Variants in LOXL2 observed in about 807,000 individuals in gnomAD.
LOXL2 encodes lysyl oxidase homolog 2.
Under a neutral mutation model 93.0 loss-of-function variants are expected in LOXL2, and 70 were observed. The observed-to-expected ratio is 0.75, with a 90% CI of 0.62 to 0.92. The LOEUF is 0.92. Ranked by LOEUF, LOXL2 falls within the 40% of genes least tolerant of loss-of-function variation. LOXL2 has a pLI of 0.00. For missense variants in LOXL2, 973 were observed against 1,054.9 expected (o/e 0.92, Z 1.08); for synonymous variants, 438 against 413.2 (o/e 1.06, Z -0.73).
intron 5 of LOXL2, among the ~76,000 whole-genome samples, chr8:23,332,699 C>T (rs1325190270): frequency 3.2e-5 from 2 of 62,670 alleles, no homozygotes; most frequent in African/African-American, 1.5e-4. Flanking sequence ...ACCCCCCACA[C>T]ACTCATACAC....
chr8:23,360,245 G>T lies in LOXL2; in HGVS notation c.376C>A (p.Leu126Ile). The change falls in exon 3 of 14, where the codon CTC becomes ATC. Residue 126 changes from leucine to isoleucine, a missense_variant. Physicochemically the swap from Leu to Ile is conservative, Grantham distance 5. Coordinates refer to ENST00000389131, the MANE Select transcript of LOXL2 (RefSeq NM_002318.3). ...KGEGPIWLDN[L>I]HCTGNEATLA... ...GTCGCCTCGTTGCCAGTACAGTGGAGATTGTCTAACCAGATGGGCCCTGAA... is the reference window on the plus strand; with the variant it reads ...GTCGCCTCGTTGCCAGTACAGTGGATATTGTCTAACCAGATGGGCCCTGAA... 6.2e-7 allele frequency: 1 copy of T among 1,610,898 alleles called. No individual in the cohort carries two copies. Among genetic ancestry groups the T allele is most frequent in the Non-Finnish European group, 8.5e-7 (1 of 1,177,570 alleles).
At chr8:23,321,363 T>C (rs1259464582) in intron 7 of LOXL2, among the ~76,000 whole-genome samples, 6 of 152,200 alleles carry the variant, frequency 3.9e-5, no homozygotes, top group Non-Finnish European at 8.8e-5. Flanking sequence ...CTTCATGCAC[T>C]GGGGGGCTTT....
chr8:23,341,444 G>T (rs1168775676), intron 3 of LOXL2: 4 of 555,580 alleles, frequency 7.2e-6, no homozygotes, highest in Non-Finnish European at 1.3e-5. Context: ...GGGGTGACCT[G>T]GAACAGTCAG....
chr8:23,298,254 C>T, intron 13 of LOXL2, 132 bp from the exon 14 acceptor site: 1 of 655,000 alleles, frequency 1.5e-6, no homozygotes, highest in Admixed American at 2.5e-5. Flanking sequence ...AGGACAGGTG[C>T]CAGGCACTGG....
At chr8:23,326,366 T>C (rs1388763936) in intron 6 of LOXL2, among the ~76,000 whole-genome samples, 1 of 152,166 alleles carries the variant, frequency 6.6e-6, no homozygotes, top group East Asian at 1.9e-4. Flanking sequence ...CGAGGGCCTG[T>C]TTATTCCTCA....
intron 3 of LOXL2, among the ~76,000 whole-genome samples, chr8:23,350,001 C>T (rs906846170): frequency 6.6e-6 from 1 of 152,062 alleles, no homozygotes; most frequent in Non-Finnish European, 1.5e-5. Flanking sequence ...AACATAAGCA[C>T]GACTTGTGTG....
At chr8:23,302,806 G>A (rs1215828559) in intron 11 of LOXL2, among the ~76,000 whole-genome samples, 1 of 152,172 alleles carries the variant, frequency 6.6e-6, no homozygotes, top group East Asian at 1.9e-4. Context: ...GGCAGGTGTG[G>A]TGACCTACCA....
intron 1 of LOXL2, among the ~76,000 whole-genome samples, chr8:23,373,420 C>T (rs926996473): frequency 7.2e-5 from 11 of 152,156 alleles, no homozygotes; most frequent in African/African-American, 1.2e-4. Context: ...ACCGCAGCCT[C>T]GAACTCTTGA....
chr8:23,375,125 A>C (rs1036987143), intron 1 of LOXL2, among the ~76,000 whole-genome samples: 3 of 152,052 alleles, frequency 2.0e-5, no homozygotes, highest in Non-Finnish European at 4.4e-5. Context: ...TTTTTGTATA[A>C]GGTGTAACGA....
chr8:23,355,123 T>A (rs1009930648), intron 3 of LOXL2, among the ~76,000 whole-genome samples: 7 of 151,660 alleles, frequency 4.6e-5, no homozygotes, highest in African/African-American at 1.7e-4. Context: ...ATTTGTATTT[T>A]TAGTAGAGAC....
At chr8:23,305,594 G>A (rs375321155) in intron 10 of LOXL2, among the ~76,000 whole-genome samples, 1 of 151,486 alleles carries the variant, frequency 6.6e-6, no homozygotes, top group Non-Finnish European at 1.5e-5. Flanking sequence ...GAGTCCTGGC[G>A]AGGAAGGTAT....
intron 9 of LOXL2, among the ~76,000 whole-genome samples, chr8:23,310,175 G>T (rs1032290160): frequency 6.6e-6 from 1 of 152,228 alleles, no homozygotes; most frequent in Non-Finnish European, 1.5e-5. Context: ...TAGGCTACGA[G>T]CGAAGCACAG....
intron 12 of LOXL2, among the ~76,000 whole-genome samples, chr8:23,299,542 C>T (rs1803092861): frequency 6.6e-6 from 1 of 152,174 alleles, no homozygotes; most frequent in Non-Finnish European, 1.5e-5. Context: ...GTATCCGCAT[C>T]CCCCCAGCTA....
At chr8:23,367,870 G>A (rs928944082) in intron 2 of LOXL2, 127 bp downstream of exon 2, 2 of 760,982 alleles carry the variant, frequency 2.6e-6, no homozygotes, top group African/African-American at 3.5e-5. Flanking sequence ...GCCAGTCCCT[G>A]GATGGGCATC....
At chr8:23,353,438 TTC>T (rs1428287657) in intron 3 of LOXL2, among the ~76,000 whole-genome samples, 1 of 152,324 alleles carries the variant, frequency 6.6e-6, no homozygotes, top group East Asian at 1.9e-4. Context: ...CCAGACAAAC[TTC>T]TGTTTTATAG....
chr8:23,300,181 G>A (rs540478170), intron 12 of LOXL2, among the ~76,000 whole-genome samples: 164 of 152,350 alleles, frequency 1.1e-3, no homozygotes, highest in African/African-American at 3.7e-3. Context: ...GCTGGATGCA[G>A]CAAGGGCTCG....
intron 4 of LOXL2, 88 bp downstream of exon 4, chr8:23,340,904 G>A (rs1449614886): frequency 1.1e-5 from 14 of 1,262,744 alleles, no homozygotes; most frequent in Non-Finnish European, 1.6e-5. Context: ...GCCTGGCCAA[G>A]GAAAGGCCAC....
rs370028722 is a variant in LOXL2 at position 23,297,433 on chromosome 8, TATAATA to T, written c.*604_*609del. 6.6e-6 allele frequency: 1 copy of T among 152,106 alleles called. No individual in the cohort carries two copies. Among genetic ancestry groups the T allele is most frequent in the African/African-American group, 2.4e-5 (1 of 41,382 alleles). 9.4% of individuals were successfully genotyped at this position (152,106 alleles called of 1,614,324 possible). A position where few individuals can be genotyped will look rare whatever the true frequency, so the allele number is the denominator to read the frequency against. On this transcript the variant is annotated 3_prime_UTR_variant, in exon 14 of 14. Coordinates refer to ENST00000389131, the MANE Select transcript of LOXL2 (RefSeq NM_002318.3). ...TTTGTGCTTCAAAAGTCTGTGAAAA[TATAATA>T]ATAGTATCTTGAAAAACAAGGGGTG...
At chr8:23,334,756 A>C (rs1803762330) in intron 4 of LOXL2, among the ~76,000 whole-genome samples, 1 of 117,640 alleles carries the variant, frequency 8.5e-6, no homozygotes, top group Admixed American at 8.7e-5. Flanking sequence ...TCAGTTTCTC[A>C]TGTCCAAAAT....
Sources: allele counts gnomAD v4.1 joint callset (sites outside exome capture counted in the v4.1 genomes callset), GRCh38; gene constraint gnomAD v4.1.1; transcripts MANE v1.5; gene names NCBI Gene and HGNC (gene_info 2026-07-23, HGNC 2026-07-21).